Variants in DMD observed in about 807,000 individuals in gnomAD.
The protein encoded by DMD is mutant dystrophin.
Under a neutral mutation model 330.1 loss-of-function variants are expected in DMD, and 63 were observed. The ratio of observed to expected loss-of-function variants is 0.19; its 90% CI spans 0.16 to 0.24. The LOEUF (loss-of-function observed/expected upper bound fraction) is 0.24, where lower values mean the gene tolerates loss of function less well. Ranked by LOEUF, DMD falls within the 10% of genes least tolerant of loss-of-function variation. DMD has a pLI of 1.00. For missense variants in DMD, 3,344 were observed against 2,684.1 expected (o/e 1.25, Z -5.43); for synonymous variants, 1,223 against 959.8 (o/e 1.27, Z -5.07).
chrX:32,749,138 T>C (rs749664525), intron 7 of DMD, among the ~76,000 whole-genome samples: 6 of 112,084 alleles, frequency 5.4e-5, no homozygotes, highest in Non-Finnish European at 7.5e-5. Flanking sequence ...GATTAGTAAA[T>C]GTAAGCCAAA....
At chrX:31,769,781 T>C (rs780324482) in intron 51 of DMD, among the ~76,000 whole-genome samples, 146 of 112,246 alleles carry the variant, frequency 1.3e-3, no homozygotes, top group African/African-American at 4.7e-3. Flanking sequence ...CTCCAACTTA[T>C]TCTACATGTT....
At chrX:32,274,090 T>C (rs1316071979) in intron 43 of DMD, among the ~76,000 whole-genome samples, 3 of 111,944 alleles carry the variant, frequency 2.7e-5, no homozygotes, top group African/African-American at 9.7e-5. Flanking sequence ...ACACAATGAA[T>C]AAAGTCAAAT....
intron 30 of DMD, among the ~76,000 whole-genome samples, chrX:32,394,937 A>AAAAAAAAAAAAAAAAAAAAAAAAAAC (rs2098033372): frequency 9.5e-6 from 1 of 105,199 alleles, no homozygotes; most frequent in Non-Finnish European, 2.0e-5. Context: ...AAAAAAAGAA[A>AAAAAAAAAAAAAAAAAAAAAAAAAAC]AGAAATCATC....
intron 2 of DMD, among the ~76,000 whole-genome samples, chrX:32,897,666 TG>T (rs2085850536): frequency 8.9e-6 from 1 of 112,661 alleles, no homozygotes; most frequent in Non-Finnish European, 1.9e-5. Context: ...ATCTGGATTT[TG>T]TATTCATTTT....
intron 9 of DMD, among the ~76,000 whole-genome samples, chrX:32,683,324 C>A (rs943623530): frequency 9.0e-6 from 1 of 110,582 alleles, no homozygotes; most frequent in Non-Finnish European, 1.9e-5. Flanking sequence ...AATCATGCTG[C>A]TATAAAGATA....
Position 31,233,998 on chromosome X carries a change from G to T in DMD, c.9287-10877C>A, listed in dbSNP as rs571761225. On this transcript the variant is annotated intron_variant, in intron 63 of 78. Coordinates refer to ENST00000357033, the MANE Select transcript of DMD (RefSeq NM_004006.3). Reference sequence around the variant, plus strand: ...AAATCTGGTGATTTCCCGTTGTCTTGCTTCTCTGGAAGAACCTGAAGACCT... The same window carrying T: ...AAATCTGGTGATTTCCCGTTGTCTTTCTTCTCTGGAAGAACCTGAAGACCT... 1.1e-3 allele frequency among the ~76,000 whole-genome samples: 126 copies of T among 111,749 alleles called. 1 individual carries two copies. The highest frequency in any genetic ancestry group is 4.6e-3 in the Middle Eastern group (1 of 217).
At chrX:32,099,635 C>T (rs2096529634) in intron 44 of DMD, among the ~76,000 whole-genome samples, 1 of 105,881 alleles carries the variant, frequency 9.4e-6, no homozygotes, top group South Asian at 4.3e-4. Flanking sequence ...AGTAAACTAT[C>T]GCAAGGACAA....
intron 40 of DMD, 74 bp downstream of exon 40, chrX:32,343,060 T>C (rs2097752253): frequency 6.7e-6 from 7 of 1,039,889 alleles, no homozygotes; most frequent in Non-Finnish European, 9.4e-6. Context: ...AACATCAACA[T>C]TTTAAATATG....
chrX:32,582,522 C>T (rs2053757349), intron 13 of DMD, among the ~76,000 whole-genome samples: 2 of 111,570 alleles, frequency 1.8e-5, no homozygotes, highest in South Asian at 7.5e-4. Context: ...AAAGACTTTA[C>T]ATAATAAAAA....
chrX:31,246,696 G>C (rs768068811), intron 63 of DMD, among the ~76,000 whole-genome samples: 106 of 112,021 alleles, frequency 9.5e-4, no homozygotes, highest in African/African-American at 3.4e-3. Context: ...GGGAGGCTGA[G>C]GCGGGCAGAT....
intron 48 of DMD, among the ~76,000 whole-genome samples, chrX:31,855,582 T>G (rs1321597192): frequency 8.9e-6 from 1 of 112,115 alleles, no homozygotes; most frequent in African/African-American, 3.2e-5. Context: ...TGACATGCAC[T>G]TTAAATAAAA....
intron 41 of DMD, among the ~76,000 whole-genome samples, chrX:32,328,635 T>C (rs2097663726): frequency 9.1e-6 from 1 of 109,749 alleles, no homozygotes; most frequent in Non-Finnish European, 1.9e-5. Flanking sequence ...TAAATAAATT[T>C]ATCTAAGTTG....
chrX:31,325,948 A>G (rs1172416947), intron 61 of DMD, among the ~76,000 whole-genome samples: 2 of 84,255 alleles, frequency 2.4e-5, no homozygotes, highest in Non-Finnish European at 4.6e-5. Context: ...ATACCTTTCT[A>G]GTTTTTTTTT....
intron 9 of DMD, among the ~76,000 whole-genome samples, chrX:32,672,678 A>G (rs2061703994): frequency 9.0e-6 from 1 of 110,690 alleles, no homozygotes; most frequent in Admixed American, 9.8e-5. Context: ...TCCAACCAGA[A>G]GGTGTCCAGA....
At chrX:31,793,976 C>T (rs949258869) in intron 50 of DMD, among the ~76,000 whole-genome samples, 2 of 111,216 alleles carry the variant, frequency 1.8e-5, no homozygotes, top group Admixed American at 1.9e-4. Context: ...AAGCTTTACT[C>T]TTTAGAGTTA....
intron 1 of DMD, among the ~76,000 whole-genome samples, chrX:33,098,593 C>T (rs780197599): frequency 6.4e-4 from 71 of 111,499 alleles, no homozygotes; most frequent in Admixed American, 3.8e-3. Context: ...ACTGCTCCTT[C>T]CCTGTGTTAT....
At chrX:32,886,664 C>A (rs759506761) in intron 2 of DMD, among the ~76,000 whole-genome samples, 1 of 110,473 alleles carries the variant, frequency 9.1e-6, no homozygotes, top group Non-Finnish European at 1.9e-5. Flanking sequence ...GCCTGGGCGA[C>A]AGAGCAAGAC....
At chrX:32,657,859 C>A (rs1379806474) in intron 9 of DMD, among the ~76,000 whole-genome samples, 4 of 111,304 alleles carry the variant, frequency 3.6e-5, no homozygotes, top group African/African-American at 9.8e-5. Flanking sequence ...AACACCAAGT[C>A]TTATTTATTT....
intron 29 of DMD, among the ~76,000 whole-genome samples, chrX:32,422,057 C>T (rs921593346): frequency 2.7e-5 from 3 of 111,197 alleles, no homozygotes; most frequent in Non-Finnish European, 5.7e-5. Flanking sequence ...ACCACTTTTT[C>T]CTCTGCTTGG....
Sources: allele counts gnomAD v4.1 joint callset (sites outside exome capture counted in the v4.1 genomes callset), GRCh38; gene constraint gnomAD v4.1.1; transcripts MANE v1.5; gene names NCBI Gene and HGNC (gene_info 2026-07-23, HGNC 2026-07-21).